The following PHC1 variants were observed in gnomAD, a reference collection of about 807,000 sequenced individuals.
The protein encoded by PHC1 is polyhomeotic homolog 1.
PHC1 carries 12 observed loss-of-function variants against 104.3 expected under a neutral mutation model. The observed-to-expected ratio is 0.12, with a 90% CI of 0.07 to 0.19. The LOEUF (loss-of-function observed/expected upper bound fraction) is 0.19, where lower values mean the gene tolerates loss of function less well. Among genes scored for constraint, PHC1 ranks in the 10% least tolerant of loss-of-function variants. PHC1 has a pLI of 1.00. For missense variants in PHC1, 671 were observed against 1,200.0 expected (o/e 0.56, Z 6.51); for synonymous variants, 302 against 455.8 (o/e 0.66, Z 4.30).
At chr12:8,928,974 C>A (rs1262194251) in intron 6 of PHC1, among the ~76,000 whole-genome samples, 1 of 152,116 alleles carries the variant, frequency 6.6e-6, no homozygotes, top group Non-Finnish European at 1.5e-5. Flanking sequence ...GTCGTGGTTG[C>A]TAATGAATAA....
At chr12:8,929,739 C>T (rs899155674) in intron 6 of PHC1, among the ~76,000 whole-genome samples, 5 of 152,014 alleles carry the variant, frequency 3.3e-5, no homozygotes, top group Non-Finnish European at 7.4e-5. Flanking sequence ...AGGCTGTTCT[C>T]GAACTCCTGA....
At chr12:8,921,883 G>GATCTCC in intron 5 of PHC1, 133 bp downstream of exon 5, 1 of 802,796 alleles carries the variant, frequency 1.2e-6, no homozygotes, top group Non-Finnish European at 1.9e-6. Flanking sequence ...GCACAATAAT[G>GATCTCC]GCTCACTGCA....
At chr12:8,936,330 C>G (rs959474678) in intron 11 of PHC1, among the ~76,000 whole-genome samples, 3 of 152,072 alleles carry the variant, frequency 2.0e-5, no homozygotes, top group Non-Finnish European at 4.4e-5. Context: ...TGCAGCGATC[C>G]AAGATAGCAC....
rs1318985660 is a variant in PHC1, at chr12:8,939,948, AG to A, written c.*490del. On this transcript the variant is annotated 3_prime_UTR_variant, in exon 15 of 15. Coordinates refer to ENST00000544916, the MANE Select transcript of PHC1 (RefSeq NM_004426.3). ...CCCTCCCAGTGTAGCTGTGGCTCAG[AG>A]TTTTTTCTTTTTGTTGTCACTTACT... 6.6e-6 allele frequency: 3 copies of A among 455,408 alleles called. No homozygotes were observed. Among genetic ancestry groups the A allele is most frequent in the Non-Finnish European group, 1.3e-5 (3 of 226,728 alleles). The allele number at this position is 455,408 out of a possible 1,614,324, so 28.2% of individuals were successfully genotyped here. A position where few individuals can be genotyped will look rare whatever the true frequency, so the allele number is the denominator to read the frequency against.
rs906290403 is a variant in PHC1, at chr12:8,919,662, T to A, written c.115-94T>A. 3.0e-5 allele frequency: 38 copies of A among 1,273,028 alleles called. 1 individual carries two copies. The South Asian group carries it at 4.6e-4, about 15-fold the overall frequency. The allele number at this position is 1,273,028 out of a possible 1,614,324, so 78.9% of individuals were successfully genotyped here. On this transcript the variant is annotated intron_variant, in intron 2 of 14. Transcript: ENST00000544916. This position sits in a 1 kb window ranked among gnomAD's most constrained non-coding sequence, Gnocchi z 4.9. ...CTCCCATCTCCTCTGGTTTCTGTCCTTCCCATGGCCCCCTTTCACACAAAT... is the reference window on the plus strand; with the variant it reads ...CTCCCATCTCCTCTGGTTTCTGTCCATCCCATGGCCCCCTTTCACACAAAT...
At position 8,919,974 on chromosome 12, in the gene PHC1, C is replaced by G. The variant is rs144692924; in HGVS notation, c.225+108C>G. On this transcript the variant is annotated intron_variant, in intron 3 of 14. Transcript: ENST00000544916. This position sits in a 1 kb window ranked among gnomAD's most constrained non-coding sequence, Gnocchi z 4.9. ...ATCCTATACTAAGCCAGGCTGCAGACAGCCTCCTCCGCCTCCTGTCCTTCT... is the reference window on the plus strand; with the variant it reads ...ATCCTATACTAAGCCAGGCTGCAGAGAGCCTCCTCCGCCTCCTGTCCTTCT... 1.9e-5 allele frequency: 28 copies of G among 1,489,972 alleles called. No individual in the cohort carries two copies. Among genetic ancestry groups the G allele is most frequent in the Non-Finnish European group, 2.5e-5 (27 of 1,097,790 alleles). 92.3% of individuals were successfully genotyped at this position (1,489,972 alleles called of 1,614,324 possible).
At position 8,930,697 on chromosome 12, in the gene PHC1, G is replaced by A. The variant is rs1346843752; in HGVS notation, c.875G>A (p.Gly292Asp). 6 of 1,318,234 alleles carry A rather than the reference G, an allele frequency of 4.6e-6. No homozygotes were observed. The highest frequency in any genetic ancestry group is 6.3e-6 in the Non-Finnish European group (6 of 952,332). 81.7% of individuals were successfully genotyped at this position (1,318,234 alleles called of 1,614,324 possible). The change falls in exon 7 of 15, where the codon GGT becomes GAT. Residue 292 changes from glycine to aspartate, a missense_variant. Transcript: ENST00000544916. ...GGGGQAHGGL[G>D]QLPSSGMGGG... Reference sequence around the variant, plus strand: ...GGTGGGCAGGCACATGGTGGTTTGGGTCAGTTGCCTTCCTCAGGAATGGGT... The same window carrying A: ...GGTGGGCAGGCACATGGTGGTTTGGATCAGTTGCCTTCCTCAGGAATGGGT...
Position 8,937,160 on chromosome 12 carries a change from A to G in PHC1, c.2478-16A>G, listed in dbSNP as rs746917139. On this transcript the variant is annotated splice_polypyrimidine_tract_variant and intron_variant, in intron 12 of 14. Coordinates refer to ENST00000544916, the MANE Select transcript of PHC1 (RefSeq NM_004426.3). ...CTGTGGCACTATTGACATCCTATAT[A>G]TGCCCTGTCCTGTAGGTACAATGTG... The G allele has an allele frequency of 6.2e-7, 1 of 1,605,942 alleles. No individual in the cohort carries two copies. Among genetic ancestry groups the G allele is most frequent in the Non-Finnish European group, 8.5e-7 (1 of 1,175,674 alleles).
intron 7 of PHC1, 128 bp from the exon 8 acceptor site, chr12:8,932,435 G>T: frequency 1.1e-6 from 1 of 929,292 alleles, no homozygotes; most frequent in Non-Finnish European, 1.6e-6. Context: ...ATACTGACTA[G>T]ATTTCTTTTC....
Position 8,933,880 on chromosome 12 carries a change from T to C in PHC1, c.1909T>C (p.Leu637=), listed in dbSNP as rs141219445. The change falls in exon 9 of 15, where the codon TTG becomes CTG. Residue 637 remains leucine (L), a synonymous_variant. Coordinates refer to ENST00000544916, the MANE Select transcript of PHC1 (RefSeq NM_004426.3). ...SVHLPGKPQT[L]AVKRKADSEE... ...TACGGTATAGGGTAAACCCCAGACATTGGCTGTCAAACGCAAGGCTGACTC... is the reference window on the plus strand; with the variant it reads ...TACGGTATAGGGTAAACCCCAGACACTGGCTGTCAAACGCAAGGCTGACTC... 9.4e-5 allele frequency: 151 copies of C among 1,613,442 alleles called. No homozygotes were observed. The African/African-American group carries it at 1.4e-3, about 15-fold the overall frequency.
Position 8,937,128 on chromosome 12 carries a change from TG to T in PHC1, c.2478-46del, listed in dbSNP as rs1489232990. The T allele has an allele frequency of 3.2e-6, 5 of 1,568,262 alleles. No homozygotes were observed. The African/African-American group carries it at 6.8e-5, about 21-fold the overall frequency. On this transcript the variant is annotated intron_variant, in intron 12 of 14. Coordinates refer to ENST00000544916, the MANE Select transcript of PHC1 (RefSeq NM_004426.3). The stretch of plus-strand genomic sequence containing the variant: ...GCAGAAATTCACATTTAGAGCAGGG[TG>T]GTCTTCTGTGGCACTATTGACATCC...
intron 1 of PHC1, chr12:8,915,038 G>A (rs999748601): frequency 2.6e-5 from 4 of 152,844 alleles, no homozygotes; most frequent in African/African-American, 9.7e-5. Context: ...CATGCTGTCT[G>A]TCCGTCACCC....
chr12:8,923,554 C>A (rs1393016032), intron 6 of PHC1, among the ~76,000 whole-genome samples: 2 of 152,070 alleles, frequency 1.3e-5, no homozygotes, highest in Non-Finnish European at 2.9e-5. Context: ...AAAGGCCGGG[C>A]GCGGTGGCTC....
chr12:8,938,998 G>A (rs1451799203), intron 14 of PHC1, among the ~76,000 whole-genome samples: 1 of 152,018 alleles, frequency 6.6e-6, no homozygotes, highest in Admixed American at 6.5e-5. Flanking sequence ...GCTGATTTTT[G>A]TATGTTTTGT....
chr12:8,917,002 A>G (rs1273961698), intron 1 of PHC1, among the ~76,000 whole-genome samples: 1 of 152,232 alleles, frequency 6.6e-6, no homozygotes, highest in Non-Finnish European at 1.5e-5. Flanking sequence ...ATCATAGTGA[A>G]TGACACTGCC....
intron 6 of PHC1, among the ~76,000 whole-genome samples, chr12:8,929,263 C>T (rs921084863): frequency 2.0e-5 from 3 of 152,060 alleles, no homozygotes; most frequent in African/African-American, 4.8e-5. Flanking sequence ...GACTATGTGC[C>T]GGAACTGTGA....
intron 10 of PHC1, 101 bp downstream of exon 10, chr12:8,934,579 G>A (rs966907504): frequency 1.3e-6 from 1 of 751,542 alleles, no homozygotes; most frequent in African/African-American, 1.8e-5. Flanking sequence ...ACTATTTAAT[G>A]AAAGAATGGT....
At chr12:8,931,058 G>A in intron 7 of PHC1, 131 bp downstream of exon 7, 1 of 896,890 alleles carries the variant, frequency 1.1e-6, no homozygotes, top group East Asian at 2.6e-5. Flanking sequence ...ATAGTGGAAG[G>A]AATGGGAATA....
chr12:8,933,280 G>A lies in PHC1; in HGVS notation c.1823G>A (p.Gly608Glu), dbSNP rs1213742874. The change falls in exon 8 of 15, where the codon GGG becomes GAG. Residue 608 changes from glycine to glutamate, a missense_variant. Physicochemically the swap from Gly to Glu is moderately conservative, Grantham distance 98 (BLOSUM62 -2). Around this residue, in one of 9 missense-constraint regions of PHC1, gnomAD observed 95 missense variants for 108.8 expected, o/e 0.87. Transcript: ENST00000544916. ...VQGTAHVVKG[G>E]ATTSSPVVAQ... is the part of the protein sequence containing the mutation. ...GGGACAGCACATGTGGTAAAGGGTG[G>A]GGCTACCACCTCCTCACCTGTTGTA... 3.4e-6 allele frequency: 5 copies of A among 1,456,742 alleles called. No individual in the cohort carries two copies. The Admixed American group carries it at 8.3e-5, about 24-fold the overall frequency. 90.2% of individuals were successfully genotyped at this position (1,456,742 alleles called of 1,614,324 possible). A position where few individuals can be genotyped will look rare whatever the true frequency, so the allele number is the denominator to read the frequency against.
Sources: allele counts gnomAD v4.1 joint callset (sites outside exome capture counted in the v4.1 genomes callset), GRCh38; gene constraint gnomAD v4.1.1; regional missense constraint gnomAD v4.1.1; non-coding constraint Gnocchi (gnomAD v3.1); transcripts MANE v1.5; gene names NCBI Gene and HGNC (gene_info 2026-07-23, HGNC 2026-07-21).